The following BRF1 variants were observed in gnomAD, a reference collection of about 807,000 sequenced individuals.
BRF1 encodes the protein transcription factor IIIB 90 kDa subunit.
In BRF1, 59 loss-of-function variants were observed where a neutral mutation model predicts 81.7. The observed-to-expected ratio is 0.72, with a 90% CI of 0.59 to 0.90. The LOEUF (loss-of-function observed/expected upper bound fraction) is 0.90, where lower values mean the gene tolerates loss of function less well. Among genes scored for constraint, BRF1 ranks in the 40% least tolerant of loss-of-function variants. The pLI is 0.00. For missense variants in BRF1, 1,050 were observed against 936.3 expected, an observed-to-expected ratio of 1.12 and a Z score of -1.58; for synonymous variants, 491 against 395.6, an observed-to-expected ratio of 1.24 and a Z score of -2.86.
intron 5 of BRF1, chr14:105,250,334 G>C (rs2055529234): frequency 1.9e-6 from 3 of 1,613,396 alleles, no homozygotes; most frequent in Non-Finnish European, 2.5e-6. Context: ...TGCAGGGCTG[G>C]GCCTGTATGG....
chr14:105,248,190 A>T, intron 5 of BRF1: 4 of 985,502 alleles, frequency 4.1e-6, no homozygotes, highest in Non-Finnish European at 4.8e-6. Context: ...TGGCGTCCGT[A>T]GCAAGCTAAA....
intron 2 of BRF1, among the ~76,000 whole-genome samples, chr14:105,278,024 G>C (rs2056916090): frequency 6.6e-6 from 1 of 152,176 alleles, no homozygotes; most frequent in Admixed American, 6.5e-5. Flanking sequence ...AAAGTGCTGG[G>C]ATACAAGCAT....
intron 1 of BRF1, among the ~76,000 whole-genome samples, chr14:105,294,112 C>A (rs1177296369): frequency 6.6e-6 from 1 of 152,192 alleles, no homozygotes; most frequent in Non-Finnish European, 1.5e-5. Flanking sequence ...AGAGAGCCTG[C>A]CTGGGAGACA....
At chr14:105,303,790 T>C (rs2058099728), upstream of BRF1, among the ~76,000 whole-genome samples, 1 of 152,234 alleles carries the variant, frequency 6.6e-6, no homozygotes, top group African/African-American at 2.4e-5. Context: ...TTTTCAAATA[T>C]GTATTATTGA....
intron 1 of BRF1, among the ~76,000 whole-genome samples, chr14:105,296,773 TTA>T (rs1328040160): frequency 6.6e-6 from 1 of 151,742 alleles, no homozygotes; most frequent in Non-Finnish European, 1.5e-5. Context: ...TCAACCATAT[TTA>T]TATAAACAAG....
intron 5 of BRF1, chr14:105,249,814 G>T: frequency 6.2e-7 from 1 of 1,613,618 alleles, no homozygotes; most frequent in Non-Finnish European, 8.5e-7. Flanking sequence ...TGTTTGAGGA[G>T]CCCGAGCTGA....
At chr14:105,262,969 G>A (rs932769090) in intron 3 of BRF1, among the ~76,000 whole-genome samples, 2 of 151,840 alleles carry the variant, frequency 1.3e-5, no homozygotes, top group African/African-American at 4.8e-5. Context: ...GGCTGGACAC[G>A]GTGGCTCACG....
intron 14 of BRF1, among the ~76,000 whole-genome samples, chr14:105,218,152 T>C (rs1320844736): frequency 6.6e-6 from 1 of 152,106 alleles, no homozygotes; most frequent in African/African-American, 2.4e-5. Flanking sequence ...GCTGCTGCAC[T>C]GTGAGGGCTG....
chr14:105,288,959 C>T (rs1437128895), intron 1 of BRF1, among the ~76,000 whole-genome samples: 2 of 150,462 alleles, frequency 1.3e-5, no homozygotes, highest in Admixed American at 6.7e-5. Context: ...TCACTAGAGC[C>T]CGGGAGGTCG....
chr14:105,287,657 C>T (rs919260084), intron 1 of BRF1, among the ~76,000 whole-genome samples: 1 of 152,206 alleles, frequency 6.6e-6, no homozygotes, highest in African/African-American at 2.4e-5. Context: ...GGGACCTCAG[C>T]GTCATCCAGG....
At chr14:105,218,607 A>C (rs1340694041) in intron 14 of BRF1, among the ~76,000 whole-genome samples, 2 of 152,220 alleles carry the variant, frequency 1.3e-5, no homozygotes, top group African/African-American at 4.8e-5. Flanking sequence ...GTAAGCTGGC[A>C]GAGCAAGTCA....
At chr14:105,228,773 G>A (rs766304045) in intron 7 of BRF1, 47 bp downstream of exon 7, 1 of 1,603,896 alleles carries the variant, frequency 6.2e-7, no homozygotes, top group South Asian at 1.1e-5. Flanking sequence ...GAGCTGGACT[G>A]ATGAAGCCTC....
In BRF1 at chr14:105,241,418, C is replaced by T. The variant is rs752960770; in HGVS notation, c.545-4G>A. The T allele has an allele frequency of 1.9e-5, 31 of 1,610,740 alleles. No individual in the cohort carries two copies. Among genetic ancestry groups the T allele is most frequent in the South Asian group, 2.2e-5 (2 of 91,096 alleles). The stretch of plus-strand genomic sequence containing the variant: ...CGTGGAATATACAGGCACGGGTCTG[C>T]GGCAGACACAGCACCTCAGTGCCCA... On this transcript the variant is annotated splice_region_variant and splice_polypyrimidine_tract_variant and intron_variant, in intron 5 of 17. Coordinates refer to ENST00000547530, the MANE Select transcript of BRF1 (RefSeq NM_001519.4).
At chr14:105,292,967 A>C (rs894318823) in intron 1 of BRF1, among the ~76,000 whole-genome samples, 3 of 152,222 alleles carry the variant, frequency 2.0e-5, no homozygotes, top group Non-Finnish European at 4.4e-5. Flanking sequence ...TACGGAAAAC[A>C]GGACGTGTGT....
chr14:105,229,071 C>A (rs992318560), intron 6 of BRF1, among the ~76,000 whole-genome samples, 158 bp from the exon 7 acceptor site: 4 of 152,206 alleles, frequency 2.6e-5, no homozygotes, highest in African/African-American at 9.7e-5. Context: ...CATGGCTACT[C>A]CTGAACGACA....
intron 5 of BRF1, chr14:105,250,465 G>A (rs1239848739): frequency 6.2e-7 from 1 of 1,614,016 alleles, no homozygotes. Context: ...TCCCGGTCTG[G>A]TTTGAACACC....
rs898758339 is a variant in BRF1 at position 105,247,330 on chromosome 14, T to G, written c.544+5177A>C. 1.1e-5 allele frequency: 11 copies of G among 985,322 alleles called. No individual in the cohort carries two copies. In the African/African-American group the frequency reaches 1.9e-4, roughly 17 times the overall value. 61.0% of individuals were successfully genotyped at this position (985,322 alleles called of 1,614,324 possible). ...CAGCTGCTCTGCATTCCACCAACAC[T>G]ACGTGACAAGTCTCAAGTTCAGCCG... On this transcript the variant is annotated intron_variant, in intron 5 of 17. Coordinates refer to ENST00000547530, the MANE Select transcript of BRF1 (RefSeq NM_001519.4).
intron 10 of BRF1, among the ~76,000 whole-genome samples, chr14:105,223,365 C>T (rs1390455435): frequency 6.6e-6 from 1 of 152,210 alleles, no homozygotes; most frequent in African/African-American, 2.4e-5. Context: ...TGAATGGCTA[C>T]ACACCCTCAG....
chr14:105,256,410 C>T, intron 4 of BRF1, 108 bp downstream of exon 4: 1 of 1,612,132 alleles, frequency 6.2e-7, no homozygotes, highest in Non-Finnish European at 8.5e-7. Context: ...CACAGACCGG[C>T]CACTGAGATG....
Sources: allele counts gnomAD v4.1 joint callset (sites outside exome capture counted in the v4.1 genomes callset), GRCh38; gene constraint gnomAD v4.1.1; transcripts MANE v1.5; gene names NCBI Gene and HGNC (gene_info 2026-07-23, HGNC 2026-07-21).